Variants in ANKK1 observed in about 807,000 individuals in gnomAD.
The protein encoded by ANKK1 is ankyrin repeat and kinase domain containing 1.
A neutral mutation model predicts 37.6 loss-of-function variants in ANKK1; 37 were observed. That is an observed-to-expected ratio of 0.98 (90% CI 0.76 to 1.29). The LOEUF is 1.29. ANKK1 is among the 50% of genes most tolerant of loss of function. The pLI is 0.00. For synonymous variants in ANKK1, 415 were observed against 418.7 expected (o/e 0.99, Z 0.11); for missense variants, 1,019 against 990.6 (o/e 1.03, Z -0.39).
intron 7 of ANKK1, 121 bp downstream of exon 7, chr11:113,398,137 G>A (rs1378675484): frequency 2.5e-6 from 3 of 1,190,264 alleles, no homozygotes; most frequent in Admixed American, 2.0e-5. Flanking sequence ...CACATCCAGG[G>A]TTTAGGTGCC....
In ANKK1 at chr11:113,394,986, G is replaced by T; in HGVS notation, c.538G>T (p.Glu180Ter). ...ACAGTCCACCCGGATGCAGTACATC[G>T]AGAGGTCGGCTCTGCGGGGCATGCT... ...MEQSTRMQYI[E>*]RSALRGMLSY... The change falls in exon 3 of 8, where the codon GAG becomes TAG. Residue 180 changes from glutamate (E) to a stop codon, truncating the protein, a stop_gained. Transcript: ENST00000303941. LOFTEE classifies it high-confidence loss of function. 6.2e-7 allele frequency: 1 copy of T among 1,613,652 alleles called. No individual in the cohort carries two copies. The highest frequency in any genetic ancestry group is 8.5e-7 in the Non-Finnish European group (1 of 1,179,762).
chr11:113,396,127 C>A lies in ANKK1; in HGVS notation c.743C>A (p.Pro248His), dbSNP rs1305929355. Reference sequence around the variant, plus strand: ...GCAGGCATGCGGCCCTCCCTACAGCCTGTCTCTGACCAATGGCCAAGCGAG... The same window carrying A: ...GCAGGCATGCGGCCCTCCCTACAGCATGTCTCTGACCAATGGCCAAGCGAG... ...VAAGMRPSLQ[P>H]VSDQWPSEAQ... is the part of the protein sequence containing the mutation. The change falls in exon 5 of 8, where the codon CCT becomes CAT. Residue 248 changes from proline (P) to histidine (H), a missense_variant. Transcript: ENST00000303941. 1 of 1,614,010 alleles carries A rather than the reference C, an allele frequency of 6.2e-7. No individual in the cohort carries two copies. Among genetic ancestry groups the A allele is most frequent in the East Asian group, 2.2e-5 (1 of 44,860 alleles).
intron 4 of ANKK1, among the ~76,000 whole-genome samples, chr11:113,395,864 C>A (rs1950633398): frequency 1.3e-5 from 2 of 152,244 alleles, no homozygotes; most frequent in African/African-American, 4.8e-5. Flanking sequence ...ACCTGGGAGG[C>A]AGCTGGAGCC....
At position 113,399,694 on chromosome 11, in the gene ANKK1, C is replaced by T. The variant is rs780918392; in HGVS notation, c.1725C>T (p.Ile575=). The change falls in exon 8 of 8, where the codon ATC becomes ATT. Residue 575 remains isoleucine (I), a synonymous_variant. Coordinates refer to ENST00000303941, the MANE Select transcript of ANKK1 (RefSeq NM_178510.2). ...CAGCTGCCAGGGGCAAATACCTGAT[C>T]TGCAAGATGCTGCTCAGGTACGGAG... The part of the protein sequence containing the change: ...HTAAARGKYL[I]CKMLLRYGAS... The T allele has an allele frequency of 1.3e-5, 21 of 1,596,450 alleles. No homozygotes were observed. Among genetic ancestry groups the T allele is most frequent in the Non-Finnish European group, 1.6e-5 (19 of 1,171,734 alleles).
chr11:113,390,474 C>T (rs755682929), intron 1 of ANKK1, among the ~76,000 whole-genome samples: 2 of 152,216 alleles, frequency 1.3e-5, no homozygotes, highest in Non-Finnish European at 2.9e-5. Context: ...CCTGGTGGCT[C>T]ACGCTTGTAA....
At position 113,400,113 on chromosome 11, in the gene ANKK1, G is replaced by A; in HGVS notation, c.2144G>A (p.Gly715Asp). Residue 715 changes from glycine (G) to aspartate (D), a missense_variant, in exon 8 of 8, where the codon GGC becomes GAC. Coordinates refer to ENST00000303941, the MANE Select transcript of ANKK1 (RefSeq NM_178510.2). ...ATCCTCAAAGTGCTGGTCGAGGCAG[G>A]CGCCCAGCTGGACGTCCAGGATGGA... ...TAILKVLVEA[G>D]AQLDVQDGVS... 2 of 1,612,514 alleles carry A rather than the reference G, an allele frequency of 1.2e-6. No individual in the cohort carries two copies. Among genetic ancestry groups the A allele is most frequent in the Non-Finnish European group, 1.7e-6 (2 of 1,179,482 alleles).
intron 5 of ANKK1, 56 bp from the exon 6 acceptor site, chr11:113,397,168 G>T: frequency 2.1e-6 from 3 of 1,412,508 alleles, no homozygotes; most frequent in South Asian, 2.4e-5. Context: ...AACAGGGAGG[G>T]TACTGTGGGC....
At chr11:113,395,136 A>T in intron 3 of ANKK1, 56 bp downstream of exon 3, 3 of 1,542,444 alleles carry the variant, frequency 1.9e-6, no homozygotes, top group Non-Finnish European at 2.6e-6. Context: ...TGCTGCCACC[A>T]CCCTGCCTGG....
At chr11:113,394,240 T>A (rs912587107) in intron 2 of ANKK1, among the ~76,000 whole-genome samples, 3 of 152,212 alleles carry the variant, frequency 2.0e-5, no homozygotes, top group Non-Finnish European at 1.5e-5. Context: ...AGCTCTTCCC[T>A]GATCTACTCC....
chr11:113,389,992 G>A (rs533955431), intron 1 of ANKK1, among the ~76,000 whole-genome samples: 1 of 152,268 alleles, frequency 6.6e-6, no homozygotes, highest in African/African-American at 2.4e-5. Context: ...GGGCTAGAGT[G>A]GAGTGTTGGT....
In ANKK1 at chr11:113,393,270, T is replaced by G. The variant is rs538384101; in HGVS notation, c.186-211T>G. On this transcript the variant is annotated intron_variant, in intron 1 of 7. Coordinates refer to ENST00000303941, the MANE Select transcript of ANKK1 (RefSeq NM_178510.2). ...ACTGGCTCCTAAACCTGCAAACTCC[T>G]TTACTTCCTGCCTTGTTGCTGCTGT... 2.0e-5 allele frequency among the ~76,000 whole-genome samples: 3 copies of G among 152,242 alleles called. No individual in the cohort carries two copies. In the South Asian group the frequency reaches 6.2e-4, roughly 32 times the overall value.
chr11:113,392,875 T>C (rs1373159794), intron 1 of ANKK1, among the ~76,000 whole-genome samples: 1 of 152,012 alleles, frequency 6.6e-6, no homozygotes, highest in Non-Finnish European at 1.5e-5. Context: ...CTCCACATAC[T>C]ATGTGATCCA....
intron 3 of ANKK1, 115 bp downstream of exon 3, chr11:113,395,195 A>G: frequency 6.7e-7 from 1 of 1,497,026 alleles, no homozygotes; most frequent in East Asian, 2.4e-5. Context: ...GTCTGGCCCA[A>G]GGCGGAGGAC....
In ANKK1 at chr11:113,397,260, T is replaced by C. The variant is rs780023844; in HGVS notation, c.875T>C (p.Leu292Pro). Residue 292 changes from leucine (L) to proline (P), a missense_variant, in exon 6 of 8, where the codon CTG becomes CCG. Transcript: ENST00000303941. ...GAGACAGACATACTGCTGTCACTGC[T>C]GCAGAGTCGTGTGGCAGTCCCAGAG... ...TIETDILLSLLQSRVAVPESK... is the reference protein window; with the variant it reads ...TIETDILLSLPQSRVAVPESK... 11 of 1,611,546 alleles carry C rather than the reference T, an allele frequency of 6.8e-6. No individual in the cohort carries two copies. Among genetic ancestry groups the C allele is most frequent in the Non-Finnish European group, 9.3e-6 (11 of 1,179,852 alleles).
chr11:113,393,799 G>A (rs4938014), intron 2 of ANKK1, 24 bp downstream of exon 2: 260,000 of 1,566,586 alleles, frequency 0.17, 26,310 homozygotes, highest in East Asian at 0.52. Context: ...CCAATCCTCC[G>A]CTCCCTTTCA....
At position 113,388,049 on chromosome 11, in the gene ANKK1, C is replaced by A; in HGVS notation, c.165C>A (p.Cys55Ter). 1 of 1,521,138 alleles carries A rather than the reference C, an allele frequency of 6.6e-7. No individual in the cohort carries two copies. The highest frequency in any genetic ancestry group is 8.8e-7 in the Non-Finnish European group (1 of 1,132,096). 94.2% of individuals were successfully genotyped at this position (1,521,138 alleles called of 1,614,324 possible). A position where few individuals can be genotyped will look rare whatever the true frequency, so the allele number is the denominator to read the frequency against. The change falls in exon 1 of 8, where the codon TGC (cysteine) becomes TGA (stop). Residue 55 changes from cysteine to a stop codon, truncating the protein, a stop_gained. Transcript: ENST00000303941. LOFTEE classifies it high-confidence loss of function. ...AGTACGCCATCAAGTGCGCCCCCTG[C>A]CTTCCACCCGACGCCGCCAGGTACT... ...RTEYAIKCAP[C>*]LPPDAASSDV...
intron 4 of ANKK1, 90 bp from the exon 5 acceptor site, chr11:113,395,977 T>C (rs1362349574): frequency 1.4e-5 from 21 of 1,479,350 alleles, no homozygotes; most frequent in Non-Finnish European, 1.9e-5. Context: ...GTGCATGCCC[T>C]GTTGGGATCC....
chr11:113,400,058 C>A lies in ANKK1; in HGVS notation c.2089C>A (p.His697Asn). ...CAACAAGGTGGGCTGGACACCCGCC[C>A]ACCTGGCCGCCCTCAAGGGCAACAC... is the stretch of plus-strand genomic sequence containing the variant. ...ARNKVGWTPA[H>N]LAALKGNTAI... The change falls in exon 8 of 8, where the codon CAC (histidine) becomes AAC (asparagine). Residue 697 changes from histidine to asparagine, a missense_variant. His to Asn is a moderately conservative substitution (Grantham distance 68, BLOSUM62 1). Coordinates refer to ENST00000303941, the MANE Select transcript of ANKK1 (RefSeq NM_178510.2). 3 of 1,613,536 alleles carry A rather than the reference C, an allele frequency of 1.9e-6. No homozygotes were observed. The South Asian group carries it at 3.3e-5, about 18-fold the overall frequency.
rs1456165174 is a variant in ANKK1, at chr11:113,395,399, C to G, written c.673C>G (p.Pro225Ala). 1 of 1,613,890 alleles carries G rather than the reference C, an allele frequency of 6.2e-7. No homozygotes were observed. Among genetic ancestry groups the G allele is most frequent in the South Asian group, 1.1e-5 (1 of 91,060 alleles). Residue 225 changes from proline (P) to alanine (A), a missense_variant, in exon 4 of 8, where the codon CCA (proline) becomes GCA (alanine). Coordinates refer to ENST00000303941, the MANE Select transcript of ANKK1 (RefSeq NM_178510.2). ...CTGGGAGCTACTCACTCAGAAGAAACCATACTCAGGTAAGCAGGCGGCTGT... is the reference window on the plus strand; with the variant it reads ...CTGGGAGCTACTCACTCAGAAGAAAGCATACTCAGGTAAGCAGGCGGCTGT... ...VIWELLTQKK[P>A]YSGFNMMMII...
Sources: gnomAD v4.1 joint callset for allele counts (sites outside exome capture counted in the v4.1 genomes callset) on GRCh38, gnomAD v4.1.1 for gene constraint, MANE v1.5 for transcripts, NCBI Gene and HGNC (gene_info 2026-07-23, HGNC 2026-07-21) for gene names.